STARD13: variants seen among roughly 807,000 people sequenced by gnomAD.
STARD13 encodes stAR-related lipid transfer protein 13.
A neutral mutation model predicts 106.4 loss-of-function variants in STARD13; 62 were observed. The observed-to-expected ratio is 0.58, with a 90% CI of 0.48 to 0.72. The LOEUF is 0.72. STARD13 is among the 30% of genes least tolerant of loss of function. STARD13 has a pLI of 0.00. For synonymous variants in STARD13, 565 were observed against 553.0 expected (o/e 1.02, Z -0.31); for missense variants, 1,387 against 1,424.0 (o/e 0.97, Z 0.42).
the STARD13 span, among the ~76,000 whole-genome samples, chr13:33,554,135 TATA>T: frequency 6.6e-6 from 1 of 152,152 alleles, no homozygotes; most frequent in Admixed American, 6.6e-5. Context: ...ATTTTAAAGC[TATA>T]ATAATTAAAA....
At chr13:33,180,599 AGTCCAAG>A (rs1885138027) in intron 1 of STARD13, 2 of 152,200 alleles carry the variant, frequency 1.3e-5, no homozygotes, top group African/African-American at 4.8e-5. Flanking sequence ...GTTAATGTGG[AGTCCAAG>A]GTCATTGATC....
intron 1 of STARD13, among the ~76,000 whole-genome samples, chr13:33,242,078 C>A (rs971337130): frequency 6.6e-6 from 1 of 151,728 alleles, no homozygotes; most frequent in Non-Finnish European, 1.5e-5. Context: ...TGGCCGCAAC[C>A]CAGTCTGGGA....
At chr13:33,639,934 T>C in the STARD13 span, among the ~76,000 whole-genome samples, 795 of 152,326 alleles carry the variant, frequency 5.2e-3, 8 homozygotes, top group African/African-American at 0.018. Flanking sequence ...TGAAACTTTG[T>C]TAAATTGTAC....
chr13:33,171,915 G>A (rs1716106996), intron 1 of STARD13, among the ~76,000 whole-genome samples: 1 of 152,180 alleles, frequency 6.6e-6, no homozygotes, highest in African/African-American at 2.4e-5. Flanking sequence ...CCCAGCAGAG[G>A]GAAGCTCTTG....
chr13:33,443,328 G>C, the STARD13 span, among the ~76,000 whole-genome samples: 1 of 150,044 alleles, frequency 6.7e-6, no homozygotes, highest in Non-Finnish European at 1.5e-5. Flanking sequence ...AGTGAGCCAA[G>C]ATAGTGCCAC....
At chr13:33,471,716 T>C in the STARD13 span, among the ~76,000 whole-genome samples, 5 of 149,802 alleles carry the variant, frequency 3.3e-5, no homozygotes. Flanking sequence ...CAGACAAACA[T>C]ATTTTTATTT....
At chr13:33,399,421 ATGG>A in the STARD13 span, among the ~76,000 whole-genome samples, 1 of 152,106 alleles carries the variant, frequency 6.6e-6, no homozygotes, top group South Asian at 2.1e-4. Flanking sequence ...TAGGCCAGGC[ATGG>A]TGGTTCACAC....
intron 1 of STARD13, among the ~76,000 whole-genome samples, chr13:33,349,949 G>A (rs1370227115): frequency 6.6e-6 from 1 of 152,218 alleles, no homozygotes; most frequent in Non-Finnish European, 1.5e-5. Flanking sequence ...ATTCACTGGG[G>A]TGGAATGGGA....
chr13:33,306,999 A>G (rs964886057), intron 1 of STARD13, among the ~76,000 whole-genome samples: 3 of 152,252 alleles, frequency 2.0e-5, no homozygotes, highest in East Asian at 1.9e-4. Flanking sequence ...GGCAAAGGAC[A>G]TGAACAGACA....
In STARD13 at chr13:33,188,824, A is replaced by G. The variant is rs1885996977; in HGVS notation, c.170-21202T>C. 2.6e-5 allele frequency among the ~76,000 whole-genome samples: 4 copies of G among 152,198 alleles called. No homozygotes were observed. In the South Asian group the frequency reaches 8.3e-4, roughly 32 times the overall value. ...TTCCTGGCTCTGTGCTTTCTTCATA[A>G]AGAATCTGTCAGATTAGTTGGTGAA... On this transcript the variant is annotated intron_variant, in intron 1 of 13. Coordinates refer to ENST00000336934, the MANE Select transcript of STARD13 (RefSeq NM_178006.4).
At chr13:33,133,607 G>GAAC (rs1226109261) in intron 4 of STARD13, among the ~76,000 whole-genome samples, 1 of 149,580 alleles carries the variant, frequency 6.7e-6, no homozygotes, top group Non-Finnish European at 1.5e-5. Context: ...AACAAAAAAT[G>GAAC]TATTTTCCAT....
the STARD13 span, among the ~76,000 whole-genome samples, chr13:33,494,073 C>T: frequency 2.0e-5 from 3 of 152,174 alleles, no homozygotes; most frequent in Non-Finnish European, 4.4e-5. Context: ...TTCCAAGTTT[C>T]CTTTGAAACT....
At chr13:33,662,561 C>T in the STARD13 span, among the ~76,000 whole-genome samples, 1 of 152,204 alleles carries the variant, frequency 6.6e-6, no homozygotes, top group Non-Finnish European at 1.5e-5. Context: ...ACAAATCAAA[C>T]CCTGCACTTT....
At chr13:33,506,283 G>C in the STARD13 span, among the ~76,000 whole-genome samples, 1 of 152,116 alleles carries the variant, frequency 6.6e-6, no homozygotes, top group Non-Finnish European at 1.5e-5. Flanking sequence ...AGCTGAATCA[G>C]GTACTTTTTT....
At chr13:33,343,607 A>T (rs1437632616), downstream of STARD13, among the ~76,000 whole-genome samples, 69 of 130,402 alleles carry the variant, frequency 5.3e-4, no homozygotes, top group Non-Finnish European at 9.6e-4. Context: ...ACAAATCTAC[A>T]AATCTAGTAG....
chr13:33,383,385 A>G, the STARD13 span, among the ~76,000 whole-genome samples: 1 of 152,146 alleles, frequency 6.6e-6, no homozygotes, highest in African/African-American at 2.4e-5. Flanking sequence ...TGTCAAAAAA[A>G]AAGGTCTGGC....
chr13:33,381,500 G>T, the STARD13 span, among the ~76,000 whole-genome samples: 1 of 152,168 alleles, frequency 6.6e-6, no homozygotes, highest in Admixed American at 6.5e-5. Flanking sequence ...AGCACTTTGG[G>T]AGGCCGAGGT....
chr13:33,229,148 C>G (rs779175025), intron 1 of STARD13, among the ~76,000 whole-genome samples: 1 of 152,106 alleles, frequency 6.6e-6, no homozygotes, highest in Non-Finnish European at 1.5e-5. Flanking sequence ...AATGCATACT[C>G]AATCTAAAAG....
the STARD13 span, among the ~76,000 whole-genome samples, chr13:33,529,501 C>A: frequency 0.13 from 20,359 of 152,122 alleles, 1,528 homozygotes; most frequent in African/African-American, 0.2. Context: ...ATTCATCCAG[C>A]CAGCCAGTCA....
Sources: gnomAD v4.1 joint callset for allele counts (sites outside exome capture counted in the v4.1 genomes callset) on GRCh38, gnomAD v4.1.1 for gene constraint, MANE v1.5 for transcripts, NCBI Gene and HGNC (gene_info 2026-07-23, HGNC 2026-07-21) for gene names.